Variants in WDR37 observed in about 807,000 individuals in gnomAD.
The protein encoded by WDR37 is WD repeat domain 37.
In WDR37, 19 loss-of-function variants were observed where a neutral mutation model predicts 62.9. That is an observed-to-expected ratio of 0.30 (90% confidence interval 0.21 to 0.44). The LOEUF is 0.44. WDR37 is among the 20% of genes least tolerant of loss of function. The pLI is 1.00. For synonymous variants in WDR37, 250 were observed against 260.9 expected (o/e 0.96, Z 0.40); for missense variants, 474 against 657.6 (o/e 0.72, Z 3.05).
intron 7 of WDR37, among the ~76,000 whole-genome samples, chr10:1,087,803 CAA>C (rs1259843940): frequency 6.6e-6 from 1 of 152,250 alleles, no homozygotes; most frequent in East Asian, 1.9e-4. Flanking sequence ...TCGCCCCTAA[CAA>C]GAGTCAGCCT....
chr10:1,072,236 A>G lies in WDR37; in HGVS notation c.81A>G (p.Arg27=). The G allele has an allele frequency of 6.2e-7, 1 of 1,614,230 alleles. No individual in the cohort carries two copies. Among genetic ancestry groups the G allele is most frequent in the Non-Finnish European group, 8.5e-7 (1 of 1,180,042 alleles). The part of the protein sequence containing the change: ...KRKSHSLSIR[R]TNSSEQERTG... ...AATCCCATAGCCTTTCTATACGAAG[A>G]ACTAACAGCTCGGAGCAGGAGAGGA... Residue 27 remains arginine, a synonymous_variant, in exon 2 of 14, where the codon AGA becomes AGG. Coordinates refer to ENST00000263150, the MANE Select transcript of WDR37 (RefSeq NM_014023.4).
intron 1 of WDR37, among the ~76,000 whole-genome samples, chr10:1,058,065 G>A (rs920729751): frequency 7.6e-4 from 116 of 152,192 alleles, no homozygotes; most frequent in Middle Eastern, 3.4e-3. Flanking sequence ...TGTCCCAGGA[G>A]TTAAACACGG....
In WDR37 at chr10:1,096,204, C is replaced by T. The variant is rs143070816; in HGVS notation, c.684C>T (p.Tyr228=). 2.3e-5 allele frequency: 37 copies of T among 1,614,148 alleles called. No individual in the cohort carries two copies. Among genetic ancestry groups the T allele is most frequent in the East Asian group, 1.3e-4 (6 of 44,878 alleles). Residue 228 remains tyrosine, a synonymous_variant, in exon 9 of 14, where the codon TAC becomes TAT. Coordinates refer to ENST00000263150, the MANE Select transcript of WDR37 (RefSeq NM_014023.4). ...SGDQTAHIWR[Y]AVQLPTPQPV... ...ATCAGACTGCTCATATCTGGAGATA[C>T]GCGGTGCAGCTGCCGACACCCCAGC...
intron 3 of WDR37, among the ~76,000 whole-genome samples, chr10:1,079,204 C>T (rs1439453955): frequency 6.6e-6 from 1 of 150,464 alleles, no homozygotes; most frequent in Non-Finnish European, 1.5e-5. Context: ...CATGCCTCAG[C>T]CTCCCAAGTA....
chr10:1,076,780 C>T (rs560110964), intron 2 of WDR37, among the ~76,000 whole-genome samples: 16 of 151,580 alleles, frequency 1.1e-4, no homozygotes, highest in African/African-American at 3.1e-4. Flanking sequence ...CAGTGGCTCA[C>T]GCCTGTAATT....
Position 1,132,318 on chromosome 10 carries a change from A to T in WDR37, c.*2974A>T, listed in dbSNP as rs1264578379. On this transcript the variant is annotated 3_prime_UTR_variant, in exon 14 of 14. Coordinates refer to ENST00000263150, the MANE Select transcript of WDR37 (RefSeq NM_014023.4). ...ACTCGAAAAATTTTTAGACTTAAAA[A>T]GTCAGTTGTGTTTTGTGTCTGTCTC... 1.3e-5 allele frequency: 2 copies of T among 152,220 alleles called. No homozygotes were observed. The highest frequency in any genetic ancestry group is 2.9e-5 in the Non-Finnish European group (2 of 68,032). 9.4% of individuals were successfully genotyped at this position (152,220 alleles called of 1,614,324 possible). A position where few individuals can be genotyped will look rare whatever the true frequency, so the allele number is the denominator to read the frequency against.
chr10:1,119,339 G>A (rs1363132752), intron 11 of WDR37, among the ~76,000 whole-genome samples: 3 of 152,208 alleles, frequency 2.0e-5, no homozygotes, highest in Non-Finnish European at 4.4e-5. Flanking sequence ...CCAAGGTGAA[G>A]CTCTTCAGCT....
rs748677122 is a variant in WDR37 at position 1,103,794 on chromosome 10, C to G, written c.919C>G (p.Leu307Val). The G allele has an allele frequency of 1.1e-5, 17 of 1,614,230 alleles. No homozygotes were observed. Among genetic ancestry groups the G allele is most frequent in the Non-Finnish European group, 1.4e-5 (17 of 1,180,050 alleles). Residue 307 changes from leucine (L) to valine (V), a missense_variant, in exon 10 of 14, where the codon CTG becomes GTG. Transcript: ENST00000263150. This position sits in a 1 kb window ranked among gnomAD's most constrained non-coding sequence, Gnocchi z 6.3. ...VTASWDRTAN[L>V]YDVETSELVH... is the part of the protein sequence containing the mutation. ...TGCCTCCTGGGACCGGACGGCAAAC[C>G]TGTACGACGTGGAGACGTCCGAGCT...
At chr10:1,063,496 G>A (rs1564494854) in intron 1 of WDR37, among the ~76,000 whole-genome samples, 1 of 152,140 alleles carries the variant, frequency 6.6e-6, no homozygotes, top group African/African-American at 2.4e-5. Context: ...GGCTGAGCAG[G>A]TACTTCAGAT....
At chr10:1,097,620 G>T (rs934719571) in intron 9 of WDR37, among the ~76,000 whole-genome samples, 1 of 152,228 alleles carries the variant, frequency 6.6e-6, no homozygotes, top group Non-Finnish European at 1.5e-5. Context: ...CCATGGTCCA[G>T]TGCTGTGGGG....
chr10:1,084,036 C>G (rs1834114710), intron 5 of WDR37, among the ~76,000 whole-genome samples: 1 of 152,164 alleles, frequency 6.6e-6, no homozygotes, highest in African/African-American at 2.4e-5. Context: ...ATCTGAGTGG[C>G]TAGCTAACGA....
chr10:1,120,384 C>T (rs1005248175), intron 11 of WDR37, among the ~76,000 whole-genome samples: 1 of 152,204 alleles, frequency 6.6e-6, no homozygotes, highest in Non-Finnish European at 1.5e-5. Context: ...GAGGGGCACC[C>T]GGGGGTCCTG....
In WDR37 at chr10:1,063,264, C is replaced by A. The variant is rs72760937; in HGVS notation, c.-41+6296C>A. ...TAAAAGGACTCAGACAAAACAAGGC[C>A]CAAGAAAAGCCTGCTCTCTGTGTCT... On this transcript the variant is annotated intron_variant, in intron 1 of 13. Coordinates refer to ENST00000263150, the MANE Select transcript of WDR37 (RefSeq NM_014023.4). Among the ~76,000 whole-genome samples the A allele has an allele frequency of 5.5e-3, 839 of 152,136 alleles. 3 individuals are homozygous for A. The highest frequency in any genetic ancestry group is 8.7e-3 in the Non-Finnish European group (592 of 68,002).
At position 1,121,741 on chromosome 10, in the gene WDR37, A is replaced by AGG. The variant is rs1441044389; in HGVS notation, c.1104-2475_1104-2474dup. On this transcript the variant is annotated intron_variant, in intron 11 of 13. Transcript: ENST00000263150. This position sits in a 1 kb window ranked among gnomAD's most constrained non-coding sequence, Gnocchi z 4.5. ...AGGCCAGGATGCTGCACCACAGGGA[A>AGG]GGGCCCCGACCAGACATCAGGTCCT... Among the ~76,000 whole-genome samples the AGG allele has an allele frequency of 1.3e-5, 2 of 152,196 alleles. No homozygotes were observed. Among genetic ancestry groups the AGG allele is most frequent in the African/African-American group, 2.4e-5 (1 of 41,454 alleles).
In WDR37 at chr10:1,082,566, G is replaced by A. The variant is rs575278212; in HGVS notation, c.397-1837G>A. Among the ~76,000 whole-genome samples, 208 of 152,298 alleles carry A rather than the reference G, an allele frequency of 1.4e-3. 1 individual carries two copies. Among genetic ancestry groups the A allele is most frequent in the Non-Finnish European group, 2.3e-3 (155 of 68,026 alleles). ...ATGATGGGCGTGAGCGTCAGTTTGC[G>A]GCTTTGTTCTGCTGCTTTTCTGTTA... On this transcript the variant is annotated intron_variant, in intron 5 of 13. Coordinates refer to ENST00000263150, the MANE Select transcript of WDR37 (RefSeq NM_014023.4).
chr10:1,123,575 G>A (rs921517365), intron 11 of WDR37, among the ~76,000 whole-genome samples: 2 of 152,178 alleles, frequency 1.3e-5, no homozygotes, highest in Admixed American at 6.5e-5. Context: ...TCCATTGTGT[G>A]TACACGCCGC....
At chr10:1,090,743 A>G (rs1218026598) in intron 7 of WDR37, among the ~76,000 whole-genome samples, 1 of 152,088 alleles carries the variant, frequency 6.6e-6, no homozygotes, top group Non-Finnish European at 1.5e-5. Context: ...CTCTCTTTAG[A>G]TTTCAGCTTA....
At chr10:1,129,077 G>T in intron 13 of WDR37, 136 bp from the exon 14 acceptor site, 1 of 1,262,932 alleles carries the variant, frequency 7.9e-7, no homozygotes, top group East Asian at 2.6e-5. Context: ...GGTGGTCCAT[G>T]GGACTGATCC....
chr10:1,112,073 C>T (rs1266283897), intron 11 of WDR37, among the ~76,000 whole-genome samples: 2 of 152,086 alleles, frequency 1.3e-5, no homozygotes, highest in Non-Finnish European at 2.9e-5. Context: ...ATTTCTTACA[C>T]CTTGTTTGAT....
Sources: allele counts gnomAD v4.1 joint callset (sites outside exome capture counted in the v4.1 genomes callset), GRCh38; gene constraint gnomAD v4.1.1; non-coding constraint Gnocchi (gnomAD v3.1); transcripts MANE v1.5; gene names NCBI Gene and HGNC (gene_info 2026-07-23, HGNC 2026-07-21).